CRISPLD2: variants seen among roughly 807,000 people sequenced by gnomAD.
CRISPLD2 encodes the protein cysteine rich secretory protein LCCL domain containing 2, also known as cysteine-rich secretory protein LCCL domain-containing 2.
A neutral mutation model predicts 71.1 loss-of-function variants in CRISPLD2; 47 were observed. The ratio of observed to expected loss-of-function variants is 0.66; its 90% CI spans 0.52 to 0.84. CRISPLD2 has a LOEUF of 0.84. Ranked by LOEUF, CRISPLD2 falls within the 40% of genes least tolerant of loss-of-function variation. The pLI is 0.00. For synonymous variants in CRISPLD2, 317 were observed against 250.1 expected, an observed-to-expected ratio of 1.27 and a Z score of -2.52; for missense variants, 830 against 651.1, an observed-to-expected ratio of 1.27 and a Z score of -2.99.
In CRISPLD2 at chr16:84,899,804, T is replaced by TG. The variant is rs1364350783; in HGVS notation, c.1440-6780dup. Among the ~76,000 whole-genome samples, 4 of 152,134 alleles carry TG rather than the reference T, an allele frequency of 2.6e-5. No individual in the cohort carries two copies. The South Asian group carries it at 8.3e-4, about 32-fold the overall frequency. ...ATGGTTCCCTTGTCCCTTGGTTGTTTGGGGCCCTGAGAACATGAGAACCCA... is the reference window on the plus strand; with the variant it reads ...ATGGTTCCCTTGTCCCTTGGTTGTTTGGGGGCCCTGAGAACATGAGAACCCA... On this transcript the variant is annotated intron_variant, in intron 14 of 14. Coordinates refer to ENST00000262424, the MANE Select transcript of CRISPLD2 (RefSeq NM_031476.4).
chr16:84,906,467 G>T, intron 14 of CRISPLD2, 121 bp from the exon 15 acceptor site: 2 of 952,244 alleles, frequency 2.1e-6, no homozygotes, highest in Middle Eastern at 3.3e-4. Flanking sequence ...GTGTCCCTTG[G>T]CCATGGCTCT....
At chr16:84,887,971 A>G (rs2071627820) in intron 13 of CRISPLD2, among the ~76,000 whole-genome samples, 1 of 152,212 alleles carries the variant, frequency 6.6e-6, no homozygotes, top group Admixed American at 6.5e-5. Context: ...AGTGGGGGAC[A>G]TTTTTGTGGA....
chr16:84,854,840 T>G lies in CRISPLD2; in HGVS notation c.709+11T>G. 2 of 1,597,978 alleles carry G rather than the reference T, an allele frequency of 1.3e-6. No individual in the cohort carries two copies. Among genetic ancestry groups the G allele is most frequent in the East Asian group, 2.2e-5 (1 of 44,806 alleles). ...ACTTGTGTTACCGAGGTAGGAAATT[T>G]ACTCCCAACACTTTTGCAATGAATT... On this transcript the variant is annotated intron_variant, in intron 6 of 14. Coordinates refer to ENST00000262424, the MANE Select transcript of CRISPLD2 (RefSeq NM_031476.4).
At chr16:84,828,127 C>T (rs1016708208) in intron 1 of CRISPLD2, 28 of 152,330 alleles carry the variant, frequency 1.8e-4, no homozygotes, top group African/African-American at 6.7e-4. Flanking sequence ...GTTCCGCAGC[C>T]AGCTCTCGAC....
chr16:84,832,032 G>A (rs985367676), intron 1 of CRISPLD2, among the ~76,000 whole-genome samples: 1 of 152,260 alleles, frequency 6.6e-6, no homozygotes, highest in Non-Finnish European at 1.5e-5. Context: ...GCCATGTCCA[G>A]CCGGATTTTT....
At chr16:84,849,567 A>G (rs759194460) in intron 4 of CRISPLD2, 50 bp downstream of exon 4, 2 of 1,576,552 alleles carry the variant, frequency 1.3e-6, no homozygotes, top group Non-Finnish European at 8.6e-7. Context: ...AATCCCAGTC[A>G]TTCACCCCCT....
intron 1 of CRISPLD2, among the ~76,000 whole-genome samples, chr16:84,835,241 C>T (rs4782667): frequency 0.24 from 37,174 of 151,838 alleles, 4,731 homozygotes; most frequent in Middle Eastern, 0.38. Context: ...CAGGCAGGCG[C>T]CACCACGCCC....
chr16:84,841,509 T>C (rs1237711782), intron 2 of CRISPLD2, among the ~76,000 whole-genome samples: 1 of 151,560 alleles, frequency 6.6e-6, no homozygotes. Flanking sequence ...CTATGAGGAA[T>C]AGAGTTTTGG....
At chr16:84,873,503 C>CAAAAAAAAAAAAAAAAAAAAAA (rs1333411767) in intron 10 of CRISPLD2, 1 of 88,646 alleles carries the variant, frequency 1.1e-5, no homozygotes, top group African/African-American at 6.8e-5. Flanking sequence ...AAAACAACAA[C>CAAAAAAAAAAAAAAAAAAAAAA]AACAAAAAAA....
rs113334129 is a variant in CRISPLD2 at position 84,886,350 on chromosome 16, C to A, written c.1306-2880C>A. 1.9e-3 allele frequency among the ~76,000 whole-genome samples: 294 copies of A among 152,318 alleles called. 1 individual carries two copies. Among genetic ancestry groups the A allele is most frequent in the African/African-American group, 6.5e-3 (272 of 41,578 alleles). ...AGACACAGGCTCTCTTTGGCTTTAG[C>A]AATGCTTCCGGGGCCCCCGGATGGG... On this transcript the variant is annotated intron_variant, in intron 13 of 14. Coordinates refer to ENST00000262424, the MANE Select transcript of CRISPLD2 (RefSeq NM_031476.4).
At chr16:84,821,053 G>C (rs1238385569) in intron 1 of CRISPLD2, among the ~76,000 whole-genome samples, 1 of 152,234 alleles carries the variant, frequency 6.6e-6, no homozygotes, top group Non-Finnish European at 1.5e-5. Flanking sequence ...AATGTGAGTT[G>C]CTGCCCTGGC....
intron 6 of CRISPLD2, among the ~76,000 whole-genome samples, chr16:84,862,669 A>C (rs1597464241): frequency 8.6e-6 from 1 of 115,792 alleles, no homozygotes; most frequent in Non-Finnish European, 1.8e-5. Flanking sequence ...CGTGTGGCCC[A>C]GGCTTTTTTT....
chr16:84,863,150 C>T (rs12599776), intron 6 of CRISPLD2: 1 of 152,172 alleles, frequency 6.6e-6, no homozygotes, highest in African/African-American at 2.4e-5. Context: ...TCCAGGGCCT[C>T]CGGAGGCACA....
At chr16:84,834,995 T>C (rs1391383284) in intron 1 of CRISPLD2, among the ~76,000 whole-genome samples, 1 of 152,140 alleles carries the variant, frequency 6.6e-6, no homozygotes, top group Non-Finnish European at 1.5e-5. Flanking sequence ...GAAAACCAGC[T>C]CAAACCCATA....
intron 14 of CRISPLD2, among the ~76,000 whole-genome samples, chr16:84,896,263 G>A (rs2071705237): frequency 6.6e-6 from 1 of 151,888 alleles, no homozygotes; most frequent in Non-Finnish European, 1.5e-5. Flanking sequence ...TGGCCAGGCT[G>A]GTCTCGAATT....
chr16:84,876,710 T>C (rs1229585860), intron 11 of CRISPLD2, among the ~76,000 whole-genome samples: 1 of 151,932 alleles, frequency 6.6e-6, no homozygotes. Context: ...GGAGAATCAG[T>C]TGAACTCAGG....
intron 6 of CRISPLD2, among the ~76,000 whole-genome samples, chr16:84,862,234 C>A (rs1188300950): frequency 6.6e-6 from 1 of 152,026 alleles, no homozygotes; most frequent in Non-Finnish European, 1.5e-5. Flanking sequence ...TCATGGCCTC[C>A]CTTTGTTGCC....
At chr16:84,835,265 T>C (rs1329906423) in intron 1 of CRISPLD2, among the ~76,000 whole-genome samples, 3 of 152,130 alleles carry the variant, frequency 2.0e-5, no homozygotes, top group East Asian at 1.9e-4. Context: ...TGATTTTGTA[T>C]TTTTAGTAGA....
At chr16:84,852,978 G>C (rs1284313179) in intron 5 of CRISPLD2, among the ~76,000 whole-genome samples, 1 of 152,126 alleles carries the variant, frequency 6.6e-6, no homozygotes, top group Admixed American at 6.6e-5. Flanking sequence ...GAGGTGGGAG[G>C]ATTGCTTGAG....
Sources: allele counts gnomAD v4.1 joint callset (sites outside exome capture counted in the v4.1 genomes callset), GRCh38; gene constraint gnomAD v4.1.1; transcripts MANE v1.5; gene names NCBI Gene and HGNC (gene_info 2026-07-23, HGNC 2026-07-21).